PCDHA5: variants seen among roughly 807,000 people sequenced by gnomAD.
PCDHA5 encodes the protein protocadherin alpha-5.
A neutral mutation model predicts 61.6 loss-of-function variants in PCDHA5; 43 were observed. The ratio of observed to expected loss-of-function variants is 0.70; its 90% CI spans 0.55 to 0.90. PCDHA5 has a LOEUF of 0.90. Ranked by LOEUF, PCDHA5 falls within the 40% of genes least tolerant of loss-of-function variation. The pLI is 0.00. For missense variants in PCDHA5, 1,298 were observed against 1,222.7 expected, an observed-to-expected ratio of 1.06 and a Z score of -0.92; for synonymous variants, 627 against 543.9, an observed-to-expected ratio of 1.15 and a Z score of -2.13.
intron 1 of PCDHA5, chr5:140,966,561 G>T: frequency 2.0e-6 from 1 of 488,962 alleles, no homozygotes; most frequent in African/African-American, 2.0e-5. Flanking sequence ...GGAGGAGCTG[G>T]AATATGGGGA....
At chr5:140,983,228 A>T (rs1012242202) in intron 3 of PCDHA5, among the ~76,000 whole-genome samples, 4 of 152,240 alleles carry the variant, frequency 2.6e-5, no homozygotes, top group Non-Finnish European at 4.4e-5. Context: ...CCAAACTTTC[A>T]GGAAAGAGAA....
intron 1 of PCDHA5, chr5:140,863,447 G>A: frequency 1.7e-6 from 1 of 575,684 alleles, no homozygotes; most frequent in Non-Finnish European, 3.3e-6. Flanking sequence ...CTTACTCGCA[G>A]CAAAGGAGAT....
chr5:140,877,982 T>A, intron 1 of PCDHA5: 1 of 1,221,278 alleles, frequency 8.2e-7, no homozygotes, highest in Non-Finnish European at 1.1e-6. Flanking sequence ...CTTACTCATT[T>A]TGAACTTTTA....
At chr5:140,872,614 T>G (rs1001550468) in intron 1 of PCDHA5, among the ~76,000 whole-genome samples, 1 of 152,320 alleles carries the variant, frequency 6.6e-6, no homozygotes, top group Admixed American at 6.5e-5. Flanking sequence ...TAATTTTTTT[T>G]GCCTGTTCTT....
At chr5:140,948,564 T>C (rs1329949756) in intron 1 of PCDHA5, among the ~76,000 whole-genome samples, 1 of 151,688 alleles carries the variant, frequency 6.6e-6, no homozygotes, top group Non-Finnish European at 1.5e-5. Flanking sequence ...TTAAGTTGTA[T>C]TTTTTAAAGG....
intron 1 of PCDHA5, chr5:140,836,463 G>T: frequency 6.2e-7 from 1 of 1,613,838 alleles, no homozygotes. Flanking sequence ...GACCGAGCTG[G>T]TGGATGTCAA....
chr5:140,834,243 A>C (rs1260140058), intron 1 of PCDHA5: 4 of 837,910 alleles, frequency 4.8e-6, no homozygotes, highest in Non-Finnish European at 7.4e-6. Flanking sequence ...TCCTTTTCGC[A>C]CTGGAAAGAC....
At chr5:140,982,688 A>ATACATACATGATTTCCT in intron 3 of PCDHA5, 125 bp downstream of exon 3, 1 of 1,415,764 alleles carries the variant, frequency 7.1e-7, no homozygotes, top group Non-Finnish European at 9.3e-7. Flanking sequence ...CCTTTTTTCC[A>ATACATACATGATTTCCT]TACATACATG....
At chr5:140,839,108 A>G (rs1047759109) in intron 1 of PCDHA5, among the ~76,000 whole-genome samples, 1 of 151,988 alleles carries the variant, frequency 6.6e-6, no homozygotes, top group Non-Finnish European at 1.5e-5. Context: ...ATTATTTACC[A>G]TTAAGCCATA....
chr5:140,968,886 A>T, intron 1 of PCDHA5: 1 of 1,614,186 alleles, frequency 6.2e-7, no homozygotes, highest in Non-Finnish European at 8.5e-7. Flanking sequence ...ATTACCCTTT[A>T]TCTAATAATA....
At chr5:140,979,779 G>C (rs778402540) in intron 2 of PCDHA5, among the ~76,000 whole-genome samples, 1 of 152,186 alleles carries the variant, frequency 6.6e-6, no homozygotes, top group Non-Finnish European at 1.5e-5. Flanking sequence ...AAATGGGAAG[G>C]ACCAAGAAAC....
chr5:140,940,502 G>A (rs182744023), intron 1 of PCDHA5, among the ~76,000 whole-genome samples: 2 of 151,906 alleles, frequency 1.3e-5, no homozygotes, highest in Admixed American at 6.5e-5. Context: ...TTGCTCCGTC[G>A]CTCAGGCGTG....
At chr5:140,876,433 A>G (rs1562712994) in intron 1 of PCDHA5, 19 of 1,614,000 alleles carry the variant, frequency 1.2e-5, no homozygotes, top group Non-Finnish European at 1.6e-5. Flanking sequence ...AATTCAGGTT[A>G]ACGCCATTGA....
chr5:140,967,636 T>G, intron 1 of PCDHA5: 2 of 1,614,138 alleles, frequency 1.2e-6, no homozygotes, highest in Non-Finnish European at 1.7e-6. Context: ...GCTCCAATGG[T>G]GAGCTCAGGT....
chr5:140,822,189 A>G lies in PCDHA5; in HGVS notation c.414A>G (p.Arg138=). 6.2e-7 allele frequency: 1 copy of G among 1,614,246 alleles called. No individual in the cohort carries two copies. Among genetic ancestry groups the G allele is most frequent in the Non-Finnish European group, 8.5e-7 (1 of 1,180,046 alleles). Residue 138 remains arginine (R), a synonymous_variant, in exon 1 of 4, where the codon AGA becomes AGG. Coordinates refer to ENST00000529859, the MANE Select transcript of PCDHA5 (RefSeq NM_018908.3). Reference sequence around the variant, plus strand: ...CCAGGTTCTCCAGACAAGAACAAAGATTATTCATTTTAGAGTCAAGAATGC... The same window carrying G: ...CCAGGTTCTCCAGACAAGAACAAAGGTTATTCATTTTAGAGTCAAGAATGC... ...NPPRFSRQEQ[R]LFILESRMPD...
At chr5:140,851,722 C>T (rs2042141470) in intron 1 of PCDHA5, 8 of 966,996 alleles carry the variant, frequency 8.3e-6, no homozygotes, top group East Asian at 1.1e-4. Flanking sequence ...TTCGAAACTT[C>T]GAGTTCTTTT....
At chr5:141,005,725 A>AAAAAAG (rs2098234610) in intron 3 of PCDHA5, among the ~76,000 whole-genome samples, 2 of 150,088 alleles carry the variant, frequency 1.3e-5, no homozygotes, top group Admixed American at 6.6e-5. Flanking sequence ...AAAAAAAAAA[A>AAAAAAG]AAAAAAGAAT....
intron 1 of PCDHA5, chr5:140,866,113 T>C (rs1185424072): frequency 6.6e-6 from 1 of 152,196 alleles, no homozygotes; most frequent in African/African-American, 2.4e-5. Flanking sequence ...AAGAGTTGCC[T>C]TATAAGAACT....
chr5:140,857,740 G>A (rs1019130313), intron 1 of PCDHA5: 1 of 1,597,496 alleles, frequency 6.3e-7, no homozygotes, highest in African/African-American at 1.3e-5. Flanking sequence ...CTCCCGCGCT[G>A]CTGGCGTCTC....
Sources: allele counts gnomAD v4.1 joint callset (sites outside exome capture counted in the v4.1 genomes callset), GRCh38; gene constraint gnomAD v4.1.1; transcripts MANE v1.5; gene names NCBI Gene and HGNC (gene_info 2026-07-23, HGNC 2026-07-21).